The following DMD variants were observed in gnomAD, a reference collection of about 807,000 sequenced individuals.
DMD encodes dystrophin.
In DMD, 63 loss-of-function variants were observed where a neutral mutation model predicts 330.1. The ratio of observed to expected loss-of-function variants is 0.19; its 90% CI spans 0.16 to 0.24. DMD has a LOEUF of 0.24. DMD is among the 10% of genes least tolerant of loss of function. The pLI is 1.00. For synonymous variants in DMD, 1,223 were observed against 959.8 expected (o/e 1.27, Z -5.07); for missense variants, 3,344 against 2,684.1 (o/e 1.25, Z -5.43).
At chrX:32,231,903 GA>G (rs776080648) in intron 43 of DMD, among the ~76,000 whole-genome samples, 109 of 109,049 alleles carry the variant, frequency 1.0e-3, no homozygotes, top group African/African-American at 3.5e-3. Flanking sequence ...TCCAAAGAAA[GA>G]AAAAAATTCC....
intron 19 of DMD, among the ~76,000 whole-genome samples, chrX:32,496,659 C>A (rs991147364): frequency 8.9e-6 from 1 of 112,883 alleles, no homozygotes; most frequent in Admixed American, 9.3e-5. Context: ...GACACACACA[C>A]GCACATGTCT....
At chrX:31,158,330 GA>G (rs1342864420) in intron 74 of DMD, among the ~76,000 whole-genome samples, 1 of 112,129 alleles carries the variant, frequency 8.9e-6, no homozygotes, top group Non-Finnish European at 1.9e-5. Context: ...TACGCTATGT[GA>G]AAGAAGCCAG....
chrX:32,395,857 A>G (rs2098040222), intron 30 of DMD, among the ~76,000 whole-genome samples: 1 of 111,615 alleles, frequency 9.0e-6, no homozygotes, highest in African/African-American at 3.3e-5. Context: ...TAGATGAGGA[A>G]TTAGTATGAA....
intron 54 of DMD, among the ~76,000 whole-genome samples, chrX:31,650,289 T>C (rs1269884585): frequency 9.9e-6 from 1 of 100,948 alleles, no homozygotes; most frequent in Admixed American, 1.2e-4. Context: ...GTGCCACATA[T>C]ATATTATGAG....
chrX:32,677,193 CAAAT>C (rs1293164469), intron 9 of DMD, among the ~76,000 whole-genome samples: 100 of 110,961 alleles, frequency 9.0e-4, no homozygotes, highest in African/African-American at 3.2e-3. Flanking sequence ...TATAACCACA[CAAAT>C]AATTTATTTT....
At chrX:32,746,815 C>T (rs1046539851) in intron 7 of DMD, among the ~76,000 whole-genome samples, 1 of 111,298 alleles carries the variant, frequency 9.0e-6, no homozygotes, top group Admixed American at 9.6e-5. Context: ...TCCTATTTAG[C>T]TTATCATTTT....
intron 1 of DMD, among the ~76,000 whole-genome samples, chrX:33,232,950 A>T (rs902535638): frequency 1.8e-5 from 2 of 111,765 alleles, no homozygotes; most frequent in Non-Finnish European, 3.8e-5. Context: ...CGGGAAAAGA[A>T]AGATGTTGAT....
At chrX:32,991,049 A>G (rs7877214) in intron 2 of DMD, among the ~76,000 whole-genome samples, 7,788 of 111,212 alleles carry the variant, frequency 0.07, 496 homozygotes, top group African/African-American at 0.2. Flanking sequence ...ATTTGTTAAA[A>G]TTCATTTTTT....
At chrX:31,261,277 C>T (rs1032567785) in intron 62 of DMD, 4 of 341,215 alleles carry the variant, frequency 1.2e-5, no homozygotes, top group Non-Finnish European at 1.6e-5. Flanking sequence ...ACCCACAAAT[C>T]GATCGCACTT....
At chrX:32,786,640 C>T (rs918283908) in intron 7 of DMD, among the ~76,000 whole-genome samples, 3 of 111,768 alleles carry the variant, frequency 2.7e-5, no homozygotes, top group African/African-American at 9.7e-5. Flanking sequence ...GATGGATGTG[C>T]ATCCAATTAA....
intron 2 of DMD, among the ~76,000 whole-genome samples, chrX:32,870,981 A>AAAAAAAGAAAAAAAAAAAG (rs2082936785): frequency 1.2e-5 from 1 of 82,571 alleles, no homozygotes; most frequent in East Asian, 3.9e-4. Flanking sequence ...AAAAAAAAAA[A>AAAAAAAGAAAAAAAAAAAG]AAAAAAACCA....
At position 32,869,341 on chromosome X, in the gene DMD, TCTC is replaced by T. The variant is rs765888930; in HGVS notation, c.94-19524_94-19522del. 3.6e-5 allele frequency among the ~76,000 whole-genome samples: 4 copies of T among 110,777 alleles called. No individual in the cohort carries two copies. In the South Asian group the frequency reaches 1.5e-3, roughly 43 times the overall value. ...AAACTCAAAAAGCCAGAGTGCCTCT[TCTC>T]CTGCAAGTGATTGCAACTCCTCTCC... On this transcript the variant is annotated intron_variant, in intron 2 of 78. Coordinates refer to ENST00000357033, the MANE Select transcript of DMD (RefSeq NM_004006.3).
chrX:31,142,323 A>C (rs1467605371), intron 76 of DMD, among the ~76,000 whole-genome samples: 1 of 112,034 alleles, frequency 8.9e-6, no homozygotes, highest in African/African-American at 3.2e-5. Flanking sequence ...ATCAGTGAAA[A>C]AAAAATCCAC....
At chrX:33,233,417 C>A (rs1193687102) in intron 1 of DMD, among the ~76,000 whole-genome samples, 1 of 111,760 alleles carries the variant, frequency 8.9e-6, no homozygotes, top group Non-Finnish European at 1.9e-5. Context: ...AATGGTGAAA[C>A]TGTAGGATGT....
chrX:32,666,703 C>T, intron 9 of DMD, among the ~76,000 whole-genome samples: 1 of 109,488 alleles, frequency 9.1e-6, no homozygotes, highest in Admixed American at 9.9e-5. Flanking sequence ...GTGGTGGGTG[C>T]CTGTAGTCCC....
At chrX:31,940,228 G>T (rs1478909493) in intron 45 of DMD, among the ~76,000 whole-genome samples, 1 of 111,960 alleles carries the variant, frequency 8.9e-6, no homozygotes, top group Non-Finnish European at 1.9e-5. Flanking sequence ...TATAAAGGGT[G>T]ATCATAGAAG....
intron 44 of DMD, among the ~76,000 whole-genome samples, chrX:32,165,654 T>C (rs1378358724): frequency 8.9e-6 from 1 of 111,786 alleles, no homozygotes; most frequent in Non-Finnish European, 1.9e-5. Context: ...CAAGGCATGA[T>C]TGGTTTTGAA....
chrX:32,220,537 GTTAATAGCACAGTCTAAATCTATTC>G (rs2097128615), intron 43 of DMD, among the ~76,000 whole-genome samples: 1 of 111,220 alleles, frequency 9.0e-6, no homozygotes, highest in Admixed American at 9.6e-5. Flanking sequence ...AATAGGTGCT[GTTAATAGCACAGTCTAAATCTATTC>G]TTGAATTTAC....
chrX:32,782,987 G>GTGTGTGTA (rs1264976038), intron 7 of DMD, among the ~76,000 whole-genome samples: 1 of 101,414 alleles, frequency 9.9e-6, no homozygotes, highest in Admixed American at 1.1e-4. Flanking sequence ...TACCTATATG[G>GTGTGTGTA]TGTGTGTATA....
Sources: gnomAD v4.1 joint callset for allele counts (sites outside exome capture counted in the v4.1 genomes callset) on GRCh38, gnomAD v4.1.1 for gene constraint, MANE v1.5 for transcripts, NCBI Gene and HGNC (gene_info 2026-07-23, HGNC 2026-07-21) for gene names.